CTSC: variants seen among roughly 807,000 people sequenced by gnomAD.
CTSC encodes the protein cathepsin C, also known as dipeptidyl peptidase 1.
In CTSC, 37 loss-of-function variants were observed where a neutral mutation model predicts 40.9. The ratio of observed to expected loss-of-function variants is 0.91; its 90% confidence interval spans 0.70 to 1.19. CTSC has a LOEUF of 1.19. Among genes scored for constraint, CTSC ranks in the 50% most tolerant of loss-of-function variants. The pLI, the probability that CTSC is intolerant of heterozygous loss-of-function variation, is 0.00. For missense variants in CTSC, 594 were observed against 567.3 expected (o/e 1.05, Z -0.48); for synonymous variants, 232 against 207.4 (o/e 1.12, Z -1.02).
In CTSC at chr11:88,308,582, G is replaced by GCC. The variant is rs1451768575; in HGVS notation, c.641+579_641+580dup. On this transcript the variant is annotated intron_variant, in intron 4 of 6. Coordinates refer to ENST00000227266, the MANE Select transcript of CTSC (RefSeq NM_001814.6). ...TGGACCCAGCAACCCCACTCCTATG[G>GCC]CCCCACCTAGAAGCAATTCAGCCCA... Among the ~76,000 whole-genome samples the GCC allele has an allele frequency of 3.3e-5, 5 of 149,860 alleles. No homozygotes were observed. In the East Asian group the frequency reaches 9.8e-4, roughly 29 times the overall value.
intron 4 of CTSC, 56 bp downstream of exon 4, chr11:88,309,107 G>C: frequency 6.7e-7 from 1 of 1,502,272 alleles, no homozygotes; most frequent in Non-Finnish European, 9.2e-7. Context: ...GCTTAGGAGG[G>C]AGGATGGTAT....
chr11:88,333,349 CTTCA>C (rs902397507), intron 2 of CTSC, among the ~76,000 whole-genome samples: 1 of 152,190 alleles, frequency 6.6e-6, no homozygotes, highest in Admixed American at 6.5e-5. Context: ...CTGAATTCCA[CTTCA>C]TTCATTCATT....
intron 2 of CTSC, among the ~76,000 whole-genome samples, chr11:88,326,770 T>C (rs1350795757): frequency 6.6e-6 from 1 of 152,184 alleles, no homozygotes; most frequent in Admixed American, 6.5e-5. Flanking sequence ...CATTAACATG[T>C]ATACCTTGCA....
chr11:88,329,705 G>A (rs921726557), intron 2 of CTSC, among the ~76,000 whole-genome samples: 24 of 151,964 alleles, frequency 1.6e-4, no homozygotes, highest in Admixed American at 1.0e-3. Flanking sequence ...ATTCTGTTTC[G>A]TGTTGTTACA....
intron 1 of CTSC, 48 bp downstream of exon 1, chr11:88,337,453 T>C (rs1468134703): frequency 1.9e-6 from 3 of 1,542,452 alleles, no homozygotes; most frequent in Non-Finnish European, 2.6e-6. Context: ...CGTTAGGGGC[T>C]CAAGGGCAGA....
chr11:88,334,986 T>C lies in CTSC; in HGVS notation c.269A>G (p.Gln90Arg). 1 of 1,612,236 alleles carries C rather than the reference T, an allele frequency of 6.2e-7. No individual in the cohort carries two copies. The highest frequency in any genetic ancestry group is 8.5e-7 in the Non-Finnish European group (1 of 1,178,486). Residue 90 changes from glutamine to arginine, a missense_variant, in exon 2 of 7, where the codon CAA (glutamine) becomes CGA (arginine). Physicochemically the swap from Gln to Arg is conservative, Grantham distance 43. Coordinates refer to ENST00000227266, the MANE Select transcript of CTSC (RefSeq NM_001814.6). ...NSGHFTIIYN[Q>R]GFEIVLNDYK... ...GTCATTCAACACAATCTCAAAGCCTTGGTTGTAAATGATGGTGAAATGGCC... is the reference window on the plus strand; with the variant it reads ...GTCATTCAACACAATCTCAAAGCCTCGGTTGTAAATGATGGTGAAATGGCC...
chr11:88,308,059 C>T (rs912351811), intron 4 of CTSC, among the ~76,000 whole-genome samples: 3 of 152,106 alleles, frequency 2.0e-5, no homozygotes, highest in South Asian at 2.1e-4. Flanking sequence ...GAGGTAGCGA[C>T]GAAAGAGATG....
At chr11:88,336,276 C>A (rs995946211) in intron 1 of CTSC, among the ~76,000 whole-genome samples, 1 of 150,588 alleles carries the variant, frequency 6.6e-6, no homozygotes, top group East Asian at 1.9e-4. Context: ...CGTGGTGACT[C>A]CCGCCTGTAA....
At position 88,309,177 on chromosome 11, in the gene CTSC, A is replaced by C. The variant is rs1937695858; in HGVS notation, c.627T>G (p.Ser209Arg). The change falls in exon 4 of 7, where the codon AGT becomes AGG. Residue 209 changes from serine (S) to arginine (R), a missense_variant. Transcript: ENST00000227266. ...TGCTTGATTACCTTGGGATTTTTCG[A>C]CTGTGGCCACCACTTCTCCTAATCA... ...GDMIRRSGGH[S>R]RKIPRPKPAP... 1 of 1,613,846 alleles carries C rather than the reference A, an allele frequency of 6.2e-7. No individual in the cohort carries two copies. The highest frequency in any genetic ancestry group is 1.3e-5 in the African/African-American group (1 of 74,926).
At chr11:88,337,205 T>C (rs575802946) in intron 1 of CTSC, among the ~76,000 whole-genome samples, 1 of 152,314 alleles carries the variant, frequency 6.6e-6, no homozygotes, top group African/African-American at 2.4e-5. Context: ...CGATTGCAGT[T>C]CCCAAGTCTC....
At chr11:88,323,061 G>C (rs1357278761) in intron 2 of CTSC, 1 of 152,138 alleles carries the variant, frequency 6.6e-6, no homozygotes, top group Non-Finnish European at 1.5e-5. Flanking sequence ...ACATCCAAAA[G>C]CTTATCTACC....
intron 2 of CTSC, among the ~76,000 whole-genome samples, chr11:88,328,475 G>T (rs559571885): frequency 4.6e-5 from 7 of 152,162 alleles, no homozygotes; most frequent in Non-Finnish European, 1.0e-4. Flanking sequence ...AGAAGGCTCA[G>T]TGAAAAAATG....
chr11:88,313,352 GC>G (rs1937809820), intron 2 of CTSC, among the ~76,000 whole-genome samples: 3 of 152,196 alleles, frequency 2.0e-5, no homozygotes, highest in Non-Finnish European at 4.4e-5. Context: ...ACAGGTGTGA[GC>G]CACAGTGAAA....
intron 2 of CTSC, among the ~76,000 whole-genome samples, chr11:88,329,696 TTC>T (rs1441072170): frequency 7.9e-5 from 12 of 152,218 alleles, no homozygotes; most frequent in African/African-American, 2.6e-4. Flanking sequence ...TTTCACAGTA[TTC>T]TGTTTCGTGT....
At chr11:88,335,387 T>C (rs988855321) in intron 1 of CTSC, among the ~76,000 whole-genome samples, 3 of 152,076 alleles carry the variant, frequency 2.0e-5, no homozygotes, top group South Asian at 2.1e-4. Flanking sequence ...TTGGGCAACA[T>C]AGTGAGACCC....
intron 1 of CTSC, among the ~76,000 whole-genome samples, chr11:88,335,877 T>C (rs1938478763): frequency 6.6e-6 from 1 of 151,992 alleles, no homozygotes; most frequent in Non-Finnish European, 1.5e-5. Flanking sequence ...GGAGAAGAAA[T>C]GGGGTACCTT....
chr11:88,317,229 A>C (rs1418579814), intron 2 of CTSC, among the ~76,000 whole-genome samples: 6 of 152,132 alleles, frequency 3.9e-5, no homozygotes. Flanking sequence ...GGCCTCCCAA[A>C]GTGCTGGGAT....
At chr11:88,309,696 A>G (rs1489557054) in intron 3 of CTSC, among the ~76,000 whole-genome samples, 1 of 152,048 alleles carries the variant, frequency 6.6e-6, no homozygotes, top group Non-Finnish European at 1.5e-5. Flanking sequence ...ATTAAATATG[A>G]GAAGATATCA....
intron 4 of CTSC, among the ~76,000 whole-genome samples, chr11:88,303,843 A>G (rs1450551496): frequency 6.6e-6 from 1 of 152,080 alleles, no homozygotes; most frequent in African/African-American, 2.4e-5. Flanking sequence ...AGGTCTTATG[A>G]CCCAAGATCA....
Sources: gnomAD v4.1 joint callset for allele counts (sites outside exome capture counted in the v4.1 genomes callset) on GRCh38, gnomAD v4.1.1 for gene constraint, MANE v1.5 for transcripts, NCBI Gene and HGNC (gene_info 2026-07-23, HGNC 2026-07-21) for gene names.